FARS2: variants seen among roughly 807,000 people sequenced by gnomAD.
FARS2 encodes phenylalanine--tRNA ligase, mitochondrial.
A neutral mutation model predicts 46.4 loss-of-function variants in FARS2; 40 were observed. That is an observed-to-expected ratio of 0.86 (90% CI 0.67 to 1.12). The LOEUF (loss-of-function observed/expected upper bound fraction) is 1.12, where lower values mean the gene tolerates loss of function less well. FARS2 is among the 50% of genes most tolerant of loss of function. The pLI is 0.00. For synonymous variants in FARS2, 234 were observed against 214.9 expected (o/e 1.09, Z -0.78); for missense variants, 513 against 567.9 (o/e 0.90, Z 0.98).
intron 4 of FARS2, among the ~76,000 whole-genome samples, chr6:5,444,158 C>A (rs1257564314): frequency 6.6e-6 from 1 of 150,996 alleles, no homozygotes; most frequent in Non-Finnish European, 1.5e-5. Flanking sequence ...CATATGTTCG[C>A]AATATAATCT....
At chr6:5,290,871 C>A (rs1181694184) in intron 1 of FARS2, among the ~76,000 whole-genome samples, 1 of 152,186 alleles carries the variant, frequency 6.6e-6, no homozygotes, top group Non-Finnish European at 1.5e-5. Context: ...AGGCACACAC[C>A]ACCATGCCCA....
At chr6:5,398,242 G>T (rs1268011060) in intron 2 of FARS2, among the ~76,000 whole-genome samples, 1 of 151,992 alleles carries the variant, frequency 6.6e-6, no homozygotes, top group African/African-American at 2.4e-5. Context: ...TTTGTCAAAT[G>T]GTTATTTTCT....
At chr6:5,307,689 G>A (rs534868130) in intron 1 of FARS2, among the ~76,000 whole-genome samples, 5 of 152,244 alleles carry the variant, frequency 3.3e-5, no homozygotes, top group South Asian at 2.1e-4. Flanking sequence ...AGTAGTGAGC[G>A]TGAGCACTTC....
intron 1 of FARS2, among the ~76,000 whole-genome samples, chr6:5,313,867 A>AATAAT (rs1769262507): frequency 3.3e-5 from 5 of 152,074 alleles, no homozygotes; most frequent in Admixed American, 6.5e-5. Context: ...AATAAAATAA[A>AATAAT]ATAAAATAAA....
chr6:5,564,862 C>T (rs2150546608), intron 5 of FARS2, among the ~76,000 whole-genome samples: 1 of 152,288 alleles, frequency 6.6e-6, no homozygotes, highest in South Asian at 2.1e-4. Context: ...TTACTGACCA[C>T]AGGTTAGGAA....
At chr6:5,531,247 C>T (rs1288740285) in intron 4 of FARS2, among the ~76,000 whole-genome samples, 3 of 152,170 alleles carry the variant, frequency 2.0e-5, no homozygotes, top group Admixed American at 6.5e-5. Context: ...GGGAGTCAAG[C>T]CCCTGCAGGG....
chr6:5,470,426 G>A (rs1561643115), intron 4 of FARS2, among the ~76,000 whole-genome samples: 1 of 152,188 alleles, frequency 6.6e-6, no homozygotes, highest in Non-Finnish European at 1.5e-5. Flanking sequence ...CCTGGAACCA[G>A]TCCCCTGCAG....
chr6:5,583,724 G>A (rs1773459983), intron 5 of FARS2, among the ~76,000 whole-genome samples: 1 of 152,140 alleles, frequency 6.6e-6, no homozygotes, highest in Non-Finnish European at 1.5e-5. Context: ...TAGATAACAG[G>A]CCTAAGGCCA....
intron 3 of FARS2, among the ~76,000 whole-genome samples, chr6:5,423,386 A>G (rs926776598): frequency 1.3e-5 from 2 of 152,034 alleles, no homozygotes. Flanking sequence ...TGAGGTAGAG[A>G]AACGATCATA....
At chr6:5,627,158 C>T (rs538120717) in intron 6 of FARS2, among the ~76,000 whole-genome samples, 142 of 152,294 alleles carry the variant, frequency 9.3e-4, no homozygotes, top group Middle Eastern at 3.4e-3. Context: ...TCTTATGGGA[C>T]CATCATTGCA....
chr6:5,310,821 T>A (rs1032010254), intron 1 of FARS2, among the ~76,000 whole-genome samples: 1 of 152,210 alleles, frequency 6.6e-6, no homozygotes, highest in Non-Finnish European at 1.5e-5. Context: ...TGCTATATCC[T>A]GAAAATAGAG....
At chr6:5,545,719 C>T (rs1279881407) in intron 5 of FARS2, among the ~76,000 whole-genome samples, 1 of 152,178 alleles carries the variant, frequency 6.6e-6, no homozygotes, top group East Asian at 1.9e-4. Context: ...GTCTGGTTTT[C>T]TGTTTCTCTG....
At chr6:5,253,903 C>T in the FARS2 span, among the ~76,000 whole-genome samples, 3 of 151,726 alleles carry the variant, frequency 2.0e-5, no homozygotes, top group Admixed American at 6.6e-5. Flanking sequence ...AACCATTTCT[C>T]GATCAGATTG....
At chr6:5,404,771 G>GTT (rs35291527) in intron 3 of FARS2, 70 bp downstream of exon 3, 3,386 of 616,396 alleles carry the variant, frequency 5.5e-3, no homozygotes, top group South Asian at 8.0e-3. Context: ...TTGGATTTGG[G>GTT]TTTTTTTTTT....
intron 1 of FARS2, among the ~76,000 whole-genome samples, chr6:5,293,682 T>C (rs1291431366): frequency 6.6e-6 from 1 of 152,066 alleles, no homozygotes; most frequent in Non-Finnish European, 1.5e-5. Flanking sequence ...CCATGTACGA[T>C]TTTTTTTGTT....
intron 6 of FARS2, among the ~76,000 whole-genome samples, chr6:5,706,832 A>C (rs1244611311): frequency 6.6e-6 from 1 of 152,240 alleles, no homozygotes; most frequent in African/African-American, 2.4e-5. Context: ...TCAGAACAGC[A>C]TTCAGACAAG....
At chr6:5,309,108 A>G (rs1409008303) in intron 1 of FARS2, among the ~76,000 whole-genome samples, 1 of 152,226 alleles carries the variant, frequency 6.6e-6, no homozygotes, top group Non-Finnish European at 1.5e-5. Context: ...TATAGCAACT[A>G]TTTATACCAG....
At chr6:5,416,046 G>A (rs1298771512) in intron 3 of FARS2, among the ~76,000 whole-genome samples, 2 of 152,142 alleles carry the variant, frequency 1.3e-5, no homozygotes, top group African/African-American at 4.8e-5. Flanking sequence ...GTGAATTTTG[G>A]ATATGATTCT....
chr6:5,293,090 A>T (rs899561182), intron 1 of FARS2, among the ~76,000 whole-genome samples: 1 of 152,238 alleles, frequency 6.6e-6, no homozygotes, highest in African/African-American at 2.4e-5. Flanking sequence ...CACTGTTGGA[A>T]ATAGCTCCAG....
Sources: allele counts gnomAD v4.1 joint callset (sites outside exome capture counted in the v4.1 genomes callset), GRCh38; gene constraint gnomAD v4.1.1; transcripts MANE v1.5; gene names NCBI Gene and HGNC (gene_info 2026-07-23, HGNC 2026-07-21).